Variants in KRT8 observed in about 807,000 individuals in gnomAD.
The protein encoded by KRT8 is keratin, type II cytoskeletal 8.
A neutral mutation model predicts 43.0 loss-of-function variants in KRT8; 24 were observed. The ratio of observed to expected loss-of-function variants is 0.56; its 90% CI spans 0.40 to 0.78. KRT8 has a LOEUF of 0.78. Among genes scored for constraint, KRT8 ranks in the 30% least tolerant of loss-of-function variants. The probability of loss-of-function intolerance (pLI) is 0.00; values close to 1 mark genes in which losing one functional copy is unlikely to be tolerated. For synonymous variants in KRT8, 214 were observed against 261.2 expected (o/e 0.82, Z 1.74); for missense variants, 492 against 638.4 (o/e 0.77, Z 2.47).
chr12:52,939,799 A>T (rs1942236906), intron 2 of KRT8, among the ~76,000 whole-genome samples: 1 of 151,984 alleles, frequency 6.6e-6, no homozygotes, highest in South Asian at 2.1e-4. Context: ...ATTGCTAAAA[A>T]CTGGAGCTGA....
rs945689746 is a variant in KRT8 at position 52,949,199 on chromosome 12, T to G, written c.-47+257A>C. On this transcript the variant is annotated intron_variant, in intron 2 of 6. Coordinates refer to the KRT8 transcript ENST00000546826. ...ATGAGCTTCACCACTCGCTCCACCT[T>G]CTCCACCAACTACCGGTCCCTGGGC... The G allele has an allele frequency of 6.8e-6, 11 of 1,611,652 alleles. No homozygotes were observed. In the African/African-American group the frequency reaches 1.1e-4, roughly 16 times the overall value.
intron 1 of KRT8, 86 bp downstream of exon 1, chr12:52,904,572 C>G: frequency 1.5e-6 from 2 of 1,303,042 alleles, no homozygotes. Context: ...AGGACGCCAG[C>G]TGGGGGCTGG....
intron 2 of KRT8, among the ~76,000 whole-genome samples, chr12:52,924,757 A>G: frequency 6.6e-6 from 1 of 152,178 alleles, no homozygotes; most frequent in East Asian, 1.9e-4. Flanking sequence ...CTAAGAATTC[A>G]CCGTTCCTTC....
At chr12:52,936,738 C>T (rs1942175754) in intron 2 of KRT8, among the ~76,000 whole-genome samples, 1 of 152,172 alleles carries the variant, frequency 6.6e-6, no homozygotes, top group Non-Finnish European at 1.5e-5. Flanking sequence ...TGGTCTTGAA[C>T]TCCCAACCTC....
chr12:52,915,438 T>C (rs1416340016), intron 2 of KRT8, among the ~76,000 whole-genome samples: 2 of 150,528 alleles, frequency 1.3e-5, no homozygotes, highest in South Asian at 2.1e-4. Context: ...CCAGGAACCA[T>C]GCCTCACGCC....
chr12:52,908,891 A>T (rs561758096), upstream of KRT8, among the ~76,000 whole-genome samples: 49 of 152,346 alleles, frequency 3.2e-4, 3 homozygotes, highest in South Asian at 0.01. Flanking sequence ...CTGTAGTCCC[A>T]GCTGCCCTGG....
At chr12:52,910,657 T>C (rs1006161627), upstream of KRT8, among the ~76,000 whole-genome samples, 2 of 152,126 alleles carry the variant, frequency 1.3e-5, no homozygotes, top group Non-Finnish European at 2.9e-5. Context: ...GAAGCTGACA[T>C]TGCGATAGGG....
chr12:52,915,035 G>A (rs1347421156), intron 2 of KRT8, among the ~76,000 whole-genome samples: 2 of 152,252 alleles, frequency 1.3e-5, no homozygotes, highest in East Asian at 1.9e-4. Flanking sequence ...AAGACCCTGT[G>A]GAGGGGTGAT....
At chr12:52,911,983 C>T (rs916012623), upstream of KRT8, among the ~76,000 whole-genome samples, 18 of 152,062 alleles carry the variant, frequency 1.2e-4, no homozygotes, top group African/African-American at 1.9e-4. Flanking sequence ...GAGCTGAGAT[C>T]GTGCCACTGC....
chr12:52,921,532 G>A (rs550413255), intron 2 of KRT8, among the ~76,000 whole-genome samples: 87 of 152,092 alleles, frequency 5.7e-4, no homozygotes, highest in African/African-American at 2.1e-3. Context: ...GCCAGCTCCT[G>A]CACAAACTCC....
chr12:52,938,623 T>TG (rs1266115583), intron 2 of KRT8, among the ~76,000 whole-genome samples: 1 of 109,820 alleles, frequency 9.1e-6, no homozygotes, highest in Non-Finnish European at 1.8e-5. Flanking sequence ...ACAAAAGAAT[T>TG]TTTTTTTTTT....
chr12:52,924,405 C>T (rs972001340), intron 2 of KRT8, among the ~76,000 whole-genome samples: 6 of 150,632 alleles, frequency 4.0e-5, no homozygotes, highest in African/African-American at 1.5e-4. Flanking sequence ...GCTGAGATTG[C>T]GCCACTGCAC....
chr12:52,924,443 C>T (rs1173747893), intron 2 of KRT8, among the ~76,000 whole-genome samples: 8 of 134,240 alleles, frequency 6.0e-5, no homozygotes, highest in South Asian at 2.3e-4. Flanking sequence ...AGGGAGACTC[C>T]GTCTCAAAAA....
chr12:52,897,442 C>A (rs61730606), exon 8 of KRT8: 14 of 1,599,240 alleles, frequency 8.8e-6, no homozygotes, highest in Non-Finnish European at 1.2e-5. Flanking sequence ...TTGGGCAGGA[C>A]GTCAGAGGAC....
At chr12:52,919,524 TC>T (rs1172385801) in intron 2 of KRT8, among the ~76,000 whole-genome samples, 1 of 152,142 alleles carries the variant, frequency 6.6e-6, no homozygotes, top group Non-Finnish European at 1.5e-5. Context: ...CGCCTCAGCC[TC>T]CCAAAGTGCT....
chr12:52,940,829 T>C (rs985971936), intron 2 of KRT8, among the ~76,000 whole-genome samples: 3 of 151,758 alleles, frequency 2.0e-5, no homozygotes, highest in Non-Finnish European at 4.4e-5. Context: ...GGTTTCACCA[T>C]CTTGGCCAGG....
chr12:52,931,597 T>C (rs1463603708), intron 2 of KRT8, among the ~76,000 whole-genome samples: 2 of 151,948 alleles, frequency 1.3e-5, no homozygotes, highest in Non-Finnish European at 2.9e-5. Flanking sequence ...GACCTGGTCT[T>C]CACTAACCTT....
intron 2 of KRT8, among the ~76,000 whole-genome samples, chr12:52,913,953 G>T (rs1476106406): frequency 1.3e-5 from 2 of 152,190 alleles, no homozygotes; most frequent in African/African-American, 4.8e-5. Flanking sequence ...GAGAGAGGTG[G>T]CTCATGCCTC....
chr12:52,898,295 T>C (rs1941265978), intron 7 of KRT8, among the ~76,000 whole-genome samples, 166 bp downstream of exon 7: 1 of 152,208 alleles, frequency 6.6e-6, no homozygotes, highest in Non-Finnish European at 1.5e-5. Context: ...GTAATAAAGT[T>C]ATTACTGGGG....
Sources: allele counts gnomAD v4.1 joint callset (sites outside exome capture counted in the v4.1 genomes callset), GRCh38; gene constraint gnomAD v4.1.1; transcripts MANE v1.5; gene names NCBI Gene and HGNC (gene_info 2026-07-23, HGNC 2026-07-21).